PPP4R3B: variants seen among roughly 807,000 people sequenced by gnomAD.
PPP4R3B encodes the protein protein phosphatase 4 regulatory subunit 3B.
PPP4R3B carries 52 observed loss-of-function variants against 95.4 expected under a neutral mutation model. That is an observed-to-expected ratio of 0.54 (90% CI 0.44 to 0.69). PPP4R3B has a LOEUF of 0.69. PPP4R3B is among the 30% of genes least tolerant of loss of function. The probability of loss-of-function intolerance (pLI) is 0.00; values close to 1 mark genes in which losing one functional copy is unlikely to be tolerated. For synonymous variants in PPP4R3B, 407 were observed against 343.9 expected, an observed-to-expected ratio of 1.18 and a Z score of -2.03; for missense variants, 1,003 against 1,005.9, an observed-to-expected ratio of 1.00 and a Z score of 0.04.
rs892998802 is a variant in PPP4R3B, at chr2:55,558,847, C to G, written c.2382G>C (p.Gln794His). 1 of 1,613,884 alleles carries G rather than the reference C, an allele frequency of 6.2e-7. No individual in the cohort carries two copies. The highest frequency in any genetic ancestry group is 8.5e-7 in the Non-Finnish European group (1 of 1,179,860). ...NGTNSKSVVA[Q>H]IPPATSNGSS... ...ATCCATTAGAAGTTGCTGGTGGTAT[C>G]TGAGCCACTACAGATTTACTGTTTG... The change falls in exon 16 of 17, where the codon CAG becomes CAC. Residue 794 changes from glutamine to histidine, a missense_variant. Gln to His is a conservative substitution (Grantham distance 24, BLOSUM62 0). Transcript: ENST00000616407.
chr2:55,579,533 A>T (rs1271244106), intron 9 of PPP4R3B, 146 bp downstream of exon 9: 3 of 454,722 alleles, frequency 6.6e-6, no homozygotes, highest in Non-Finnish European at 1.1e-5. Context: ...AGAAACAAGA[A>T]AATCATAATT....
chr2:55,578,353 A>C lies in PPP4R3B; in HGVS notation c.1469-11T>G. The C allele has an allele frequency of 1.5e-6, 2 of 1,371,450 alleles. No individual in the cohort carries two copies. Among genetic ancestry groups the C allele is most frequent in the Non-Finnish European group, 1.9e-6 (2 of 1,056,328 alleles). The allele number at this position is 1,371,450 out of a possible 1,614,324, so 85.0% of individuals were successfully genotyped here. A position where few individuals can be genotyped will look rare whatever the true frequency, so the allele number is the denominator to read the frequency against. On this transcript the variant is annotated splice_polypyrimidine_tract_variant and intron_variant, in intron 9 of 16. Coordinates refer to ENST00000616407, the MANE Select transcript of PPP4R3B (RefSeq NM_001122964.3). ...GTTTTAAAAAAAAATCTGAAAAAAA[A>C]TATGGCAAGTTAGTTTTGATAAAGC...
At chr2:55,578,188 T>C in intron 10 of PPP4R3B, 59 bp downstream of exon 10, 1 of 1,304,862 alleles carries the variant, frequency 7.7e-7, no homozygotes, top group Non-Finnish European at 9.8e-7. Flanking sequence ...TAATACCGTA[T>C]ATACACATCA....
At chr2:55,589,864 C>T (rs1428417574) in intron 4 of PPP4R3B, among the ~76,000 whole-genome samples, 6 of 142,908 alleles carry the variant, frequency 4.2e-5, no homozygotes, top group African/African-American at 1.3e-4. Flanking sequence ...TGCAGTGAGC[C>T]GAGATTGTGC....
intron 4 of PPP4R3B, chr2:55,591,765 T>C (rs963897030): frequency 1.6e-6 from 1 of 618,232 alleles, no homozygotes; most frequent in Non-Finnish European, 2.0e-6. Flanking sequence ...GTATTCCTAG[T>C]ATTTTTTCCC....
intron 7 of PPP4R3B, among the ~76,000 whole-genome samples, chr2:55,584,478 T>A (rs1352043394): frequency 6.6e-6 from 1 of 152,150 alleles, no homozygotes; most frequent in African/African-American, 2.4e-5. Flanking sequence ...CTATTTGTAG[T>A]TTTTTTATCC....
chr2:55,583,998 G>C lies in PPP4R3B; in HGVS notation c.1233+1053C>G, dbSNP rs577221227. 1.6e-4 allele frequency among the ~76,000 whole-genome samples: 25 copies of C among 152,258 alleles called. 1 individual carries two copies. Among genetic ancestry groups the C allele is most frequent in the Admixed American group, 1.4e-3 (22 of 15,292 alleles). ...AGATGGGTGGATCACCTGAGGTCAG[G>C]AGTTTGAGACCACCCTGAACAACAT... On this transcript the variant is annotated intron_variant, in intron 7 of 16. Coordinates refer to ENST00000616407, the MANE Select transcript of PPP4R3B (RefSeq NM_001122964.3).
intron 4 of PPP4R3B, 21 bp downstream of exon 4, chr2:55,598,395 G>A: frequency 6.2e-7 from 1 of 1,605,738 alleles, no homozygotes; most frequent in Non-Finnish European, 8.5e-7. Flanking sequence ...ATGGAATCGT[G>A]AAGAGTATCT....
At chr2:55,558,736 G>C (rs758000880) in intron 16 of PPP4R3B, 39 bp downstream of exon 16, 10 of 1,392,600 alleles carry the variant, frequency 7.2e-6, no homozygotes, top group South Asian at 3.6e-5. Context: ...TCTCACAGAC[G>C]GGAAAAGCAA....
intron 4 of PPP4R3B, among the ~76,000 whole-genome samples, chr2:55,594,148 AG>A (rs1691425115): frequency 6.6e-6 from 1 of 152,122 alleles, no homozygotes; most frequent in African/African-American, 2.4e-5. Context: ...AACTCCAAAA[AG>A]GGGTAGGATG....
At chr2:55,559,054 TAAAAC>T in intron 15 of PPP4R3B, 86 bp from the exon 16 acceptor site, 1 of 1,120,366 alleles carries the variant, frequency 8.9e-7, no homozygotes, top group Non-Finnish European at 1.3e-6. Flanking sequence ...AAAAAACTTA[TAAAAC>T]ATTGCTGCCC....
intron 7 of PPP4R3B, among the ~76,000 whole-genome samples, chr2:55,582,589 T>G (rs1468828514): frequency 6.6e-6 from 1 of 152,208 alleles, no homozygotes; most frequent in Admixed American, 6.5e-5. Context: ...ACTGATGGCA[T>G]TTGACAGCCA....
At chr2:55,605,303 G>A (rs1693228483) in intron 2 of PPP4R3B, among the ~76,000 whole-genome samples, 1 of 152,222 alleles carries the variant, frequency 6.6e-6, no homozygotes, top group Non-Finnish European at 1.5e-5. Flanking sequence ...CACCTTATAT[G>A]TAATAACTTG....
chr2:55,595,007 G>T (rs190274284), intron 4 of PPP4R3B, among the ~76,000 whole-genome samples: 1 of 149,932 alleles, frequency 6.7e-6, no homozygotes. Flanking sequence ...TCAATTATTT[G>T]TATCAGGACC....
At chr2:55,597,758 GC>G (rs1200694278) in intron 4 of PPP4R3B, among the ~76,000 whole-genome samples, 2 of 152,230 alleles carry the variant, frequency 1.3e-5, no homozygotes, top group East Asian at 3.9e-4. Context: ...CTGAGATCAT[GC>G]CATTGCACTC....
At chr2:55,556,580 G>T (rs1685869832) in intron 16 of PPP4R3B, among the ~76,000 whole-genome samples, 1 of 149,794 alleles carries the variant, frequency 6.7e-6, no homozygotes, top group African/African-American at 2.5e-5. Flanking sequence ...ATATAAACTT[G>T]CCTTTTGGTA....
rs1442525772 is a variant in PPP4R3B, at chr2:55,548,684, T to TA, written c.*1226dup. 6.6e-6 allele frequency: 1 copy of TA among 152,596 alleles called. No homozygotes were observed. Among genetic ancestry groups the TA allele is most frequent in the Non-Finnish European group, 1.5e-5 (1 of 68,022 alleles). The allele number at this position is 152,596 out of a possible 1,614,324, so 9.5% of individuals were successfully genotyped here. On this transcript the variant is annotated 3_prime_UTR_variant, in exon 17 of 17. Transcript: ENST00000616407. ...TAAAGATTGTGGCTGGAATTACTGT[T>TA]AAAGTTTTTTTTTCCCAATGCATTA...
chr2:55,603,919 A>C, intron 3 of PPP4R3B, 59 bp downstream of exon 3: 1 of 1,258,928 alleles, frequency 7.9e-7, no homozygotes, highest in South Asian at 1.5e-5. Context: ...AGTAAAAAGG[A>C]AACAAAAATT....
intron 14 of PPP4R3B, 46 bp downstream of exon 14, chr2:55,564,856 T>C: frequency 6.3e-7 from 1 of 1,579,104 alleles, no homozygotes; most frequent in Non-Finnish European, 8.5e-7. Context: ...CAAACAATTT[T>C]GGACACAGTT....
Sources: allele counts gnomAD v4.1 joint callset (sites outside exome capture counted in the v4.1 genomes callset), GRCh38; gene constraint gnomAD v4.1.1; transcripts MANE v1.5; gene names NCBI Gene and HGNC (gene_info 2026-07-23, HGNC 2026-07-21).